Variants in CNGB3 observed in about 807,000 individuals in gnomAD.
CNGB3 encodes the protein cyclic nucleotide-gated channel beta-3.
In CNGB3, 86 loss-of-function variants were observed where a neutral mutation model predicts 92.8. The ratio of observed to expected loss-of-function variants is 0.93; its 90% CI spans 0.78 to 1.11. CNGB3 has a LOEUF of 1.11. CNGB3 is among the 50% of genes least tolerant of loss of function. The probability of loss-of-function intolerance (pLI) is 0.00; values close to 1 mark genes in which losing one functional copy is unlikely to be tolerated. For synonymous variants in CNGB3, 333 were observed against 332.7 expected (o/e 1.00, Z -0.01); for missense variants, 1,026 against 956.8 (o/e 1.07, Z -0.95).
intron 3 of CNGB3, among the ~76,000 whole-genome samples, chr8:86,686,711 C>G (rs980131632): frequency 3.3e-5 from 5 of 151,936 alleles, no homozygotes; most frequent in African/African-American, 1.2e-4. Context: ...GTACTAGGTT[C>G]TTAAACTTTT....
chr8:86,660,745 A>G, intron 6 of CNGB3: 1 of 527,390 alleles, frequency 1.9e-6, no homozygotes, highest in East Asian at 5.4e-5. Flanking sequence ...CTCCTGAGAG[A>G]ACAGGTAACA....
At position 86,668,123 on chromosome 8, in the gene CNGB3, G is replaced by A. The variant is rs147480410; in HGVS notation, c.539C>T (p.Pro180Leu). Residue 180 changes from proline (P) to leucine (L), a missense_variant, in exon 5 of 18, where the codon CCA (proline) becomes CTA (leucine). By Grantham distance (98) the Pro-to-Leu change is moderately conservative (BLOSUM62 -3). Coordinates refer to ENST00000320005, the MANE Select transcript of CNGB3 (RefSeq NM_019098.5). ...VPPVKESDDK[P>L]TEHYYRLLWF... ...CAACAGCCTGTAGTAATGTTCTGTTGGCTTATCATCGCTTTCTTTTACTGG... is the reference window on the plus strand; with the variant it reads ...CAACAGCCTGTAGTAATGTTCTGTTAGCTTATCATCGCTTTCTTTTACTGG... The A allele has an allele frequency of 4.3e-6, 7 of 1,613,464 alleles. No individual in the cohort carries two copies. The highest frequency in any genetic ancestry group is 2.7e-5 in the African/African-American group (2 of 74,712).
rs138385788 is a variant in CNGB3 at position 86,702,689 on chromosome 8, A to G, written c.338+23842T>C. On this transcript the variant is annotated intron_variant, in intron 3 of 17. Transcript: ENST00000320005. ...CAAAAATTGGCATGTAATTTTAGTGAGCATTTTCTAGGTTACTCTCAAGAT... is the reference window on the plus strand; with the variant it reads ...CAAAAATTGGCATGTAATTTTAGTGGGCATTTTCTAGGTTACTCTCAAGAT... 2.9e-3 allele frequency among the ~76,000 whole-genome samples: 446 copies of G among 152,200 alleles called. 3 individuals carry two copies. Among genetic ancestry groups the G allele is most frequent in the African/African-American group, 0.01 (428 of 41,542 alleles).
At position 86,666,830 on chromosome 8, in the gene CNGB3, C is replaced by T. The variant is rs1823748260; in HGVS notation, c.852+95G>A. 2.7e-5 allele frequency: 26 copies of T among 966,264 alleles called. No homozygotes were observed. The South Asian group carries it at 3.1e-4, about 11-fold the overall frequency. The allele number at this position is 966,264 out of a possible 1,614,324, so 59.9% of individuals were successfully genotyped here. A position where few individuals can be genotyped will look rare whatever the true frequency, so the allele number is the denominator to read the frequency against. On this transcript the variant is annotated intron_variant, in intron 6 of 17. Coordinates refer to ENST00000320005, the MANE Select transcript of CNGB3 (RefSeq NM_019098.5). ...TCTTGCAATTATCCATGCAGATAGC[C>T]AGTCAAACATTAAATAAAACAATGC... is the stretch of plus-strand genomic sequence containing the variant.
rs1170769842 is a variant in CNGB3 at position 86,586,471 on chromosome 8, T to A, written c.1782-7219A>T. On this transcript the variant is annotated intron_variant, in intron 15 of 17. Transcript: ENST00000320005. ...ATCTAGCATTACGTATATCTCCCAA[T>A]GCTATCCCTCCCCCCTCCCCCCACC... 2.1e-5 allele frequency among the ~76,000 whole-genome samples: 3 copies of A among 144,712 alleles called. No individual in the cohort carries two copies. The East Asian group carries it at 6.3e-4, about 30-fold the overall frequency. 94.9% of individuals were successfully genotyped at this position (144,712 alleles called of 152,430 possible).
At chr8:86,587,574 G>T (rs572571205) in intron 15 of CNGB3, among the ~76,000 whole-genome samples, 1 of 152,082 alleles carries the variant, frequency 6.6e-6, no homozygotes, top group African/African-American at 2.4e-5. Context: ...AGTTTTCCCA[G>T]CACCATTTAT....
intron 15 of CNGB3, among the ~76,000 whole-genome samples, chr8:86,599,321 T>G (rs182415548): frequency 1.9e-3 from 284 of 152,286 alleles, no homozygotes; most frequent in African/African-American, 6.4e-3. Context: ...CTGAGGAGGA[T>G]GTATGTTGCC....
At chr8:86,637,533 A>AT (rs1823095751) in intron 10 of CNGB3, among the ~76,000 whole-genome samples, 1 of 152,160 alleles carries the variant, frequency 6.6e-6, no homozygotes, top group African/African-American at 2.4e-5. Context: ...TTGAATTTAT[A>AT]GATCATTGTG....
At chr8:86,640,745 A>T (rs939402650) in intron 10 of CNGB3, among the ~76,000 whole-genome samples, 1 of 144,136 alleles carries the variant, frequency 6.9e-6, no homozygotes, top group African/African-American at 2.6e-5. Flanking sequence ...AACTTTTATC[A>T]TTATATGGTG....
rs369913820 is a variant in CNGB3, at chr8:86,628,600, C to T, written c.1480+319G>A. Among the ~76,000 whole-genome samples, 116 of 152,156 alleles carry T rather than the reference C, an allele frequency of 7.6e-4. 1 individual carries two copies. The highest frequency in any genetic ancestry group is 2.6e-3 in the African/African-American group (109 of 41,528). ...CTCAGTTAGGAGCCTCCATTTTCTACCCTTCAAAGGGATAGACAATGCCTA... is the reference window on the plus strand; with the variant it reads ...CTCAGTTAGGAGCCTCCATTTTCTATCCTTCAAAGGGATAGACAATGCCTA... On this transcript the variant is annotated intron_variant, in intron 12 of 17. Transcript: ENST00000320005.
intron 2 of CNGB3, among the ~76,000 whole-genome samples, chr8:86,735,070 T>C (rs1055525850): frequency 7.2e-4 from 81 of 112,846 alleles, no homozygotes; most frequent in Non-Finnish European, 1.1e-3. Flanking sequence ...TTTTTTTTTT[T>C]GTATGGTATA....
chr8:86,700,236 T>C (rs1824528722), intron 3 of CNGB3, among the ~76,000 whole-genome samples: 1 of 152,194 alleles, frequency 6.6e-6, no homozygotes, highest in Non-Finnish European at 1.5e-5. Context: ...TTCCTTTCTA[T>C]TTGTCAGTGA....
chr8:86,601,448 T>C (rs1396802986), intron 15 of CNGB3, among the ~76,000 whole-genome samples: 2 of 152,204 alleles, frequency 1.3e-5, no homozygotes. Flanking sequence ...GCTATTAATC[T>C]ATATTTTAGT....
At chr8:86,626,362 C>T (rs1025818255) in intron 12 of CNGB3, among the ~76,000 whole-genome samples, 7 of 152,254 alleles carry the variant, frequency 4.6e-5, no homozygotes, top group East Asian at 1.9e-4. Context: ...AGCTATGAAA[C>T]GTAATGATCA....
intron 2 of CNGB3, among the ~76,000 whole-genome samples, chr8:86,730,193 G>A (rs574720383): frequency 1.2e-4 from 19 of 152,256 alleles, no homozygotes; most frequent in African/African-American, 4.1e-4. Context: ...ATGGAGACAC[G>A]AGCAGGTGTG....
At chr8:86,626,725 ACTTG>A (rs1822856360) in intron 12 of CNGB3, among the ~76,000 whole-genome samples, 1 of 152,240 alleles carries the variant, frequency 6.6e-6, no homozygotes, top group Non-Finnish European at 1.5e-5. Context: ...ATTGTTATTT[ACTTG>A]CTTATTAACT....
chr8:86,697,219 C>T (rs1824466831), intron 3 of CNGB3, among the ~76,000 whole-genome samples: 1 of 152,138 alleles, frequency 6.6e-6, no homozygotes. Context: ...TGCACTGCCT[C>T]CAAAATCTGC....
At chr8:86,691,993 T>C (rs1485292460) in intron 3 of CNGB3, among the ~76,000 whole-genome samples, 4 of 152,232 alleles carry the variant, frequency 2.6e-5, no homozygotes, top group Admixed American at 2.0e-4. Context: ...CAAATGATCA[T>C]TCAGGAACAG....
chr8:86,730,644 C>T (rs1055068799), intron 2 of CNGB3, among the ~76,000 whole-genome samples: 2 of 152,176 alleles, frequency 1.3e-5, no homozygotes, highest in African/African-American at 4.8e-5. Context: ...GAGTTAAGGA[C>T]TAACAGTTTT....
Sources: gnomAD v4.1 joint callset for allele counts (sites outside exome capture counted in the v4.1 genomes callset) on GRCh38, gnomAD v4.1.1 for gene constraint, MANE v1.5 for transcripts, NCBI Gene and HGNC (gene_info 2026-07-23, HGNC 2026-07-21) for gene names.